DNAH5: variants seen among roughly 807,000 people sequenced by gnomAD.
The protein encoded by DNAH5 is dynein axonemal heavy chain 5.
Under a neutral mutation model 518.2 loss-of-function variants are expected in DNAH5, and 372 were observed. The observed-to-expected ratio is 0.72, with a 90% CI of 0.66 to 0.78. The LOEUF (loss-of-function observed/expected upper bound fraction) is 0.78. DNAH5 is among the 30% of genes least tolerant of loss of function. The pLI is 0.00. For synonymous variants in DNAH5, 2,039 were observed against 2,025.9 expected (o/e 1.01, Z -0.17); for missense variants, 5,523 against 5,687.0 (o/e 0.97, Z 0.93).
At position 13,829,510 on chromosome 5, in the gene DNAH5, C is replaced by A; in HGVS notation, c.6444G>T (p.Gln2148His). 6.2e-7 allele frequency: 1 copy of A among 1,614,084 alleles called. No individual in the cohort carries two copies. Among genetic ancestry groups the A allele is most frequent in the Non-Finnish European group, 8.5e-7 (1 of 1,179,992 alleles). Residue 2148 changes from glutamine (Q) to histidine (H), a missense_variant and splice_region_variant, in exon 38 of 79, where the codon CAG becomes CAT. Physicochemically the swap from Gln to His is conservative, Grantham distance 24. Coordinates refer to ENST00000265104, the MANE Select transcript of DNAH5 (RefSeq NM_001369.3). ...YKLCEEQLSK[Q>H]VHYDFGLRNI... is the part of the protein sequence containing the mutation. ...GCATAAGACCTCCAGGATGACACAC[C>A]TGCTTAGAAAGCTGCTCCTCACACA... is the stretch of plus-strand genomic sequence containing the variant.
chr5:13,917,328 G>C, intron 7 of DNAH5, 72 bp from the exon 8 acceptor site: 3 of 1,115,358 alleles, frequency 2.7e-6, no homozygotes, highest in Non-Finnish European at 4.0e-6. Flanking sequence ...CCACTGCTAA[G>C]AGTCACCACA....
intron 49 of DNAH5, among the ~76,000 whole-genome samples, chr5:13,792,643 G>A (rs1280699121): frequency 1.3e-5 from 2 of 151,402 alleles, no homozygotes; most frequent in Non-Finnish European, 2.9e-5. Flanking sequence ...CAGGCAATAA[G>A]GAATAATTAA....
In DNAH5 at chr5:13,769,034, T is replaced by C. The variant is rs1172460177; in HGVS notation, c.9823A>G (p.Lys3275Glu). 2.5e-6 allele frequency: 4 copies of C among 1,614,144 alleles called. No individual in the cohort carries two copies. In the Admixed American group the frequency reaches 5.0e-5, roughly 20 times the overall value. ...RAQAIVDSIS[K>E]DKAIAEEKLE... ...TTTTCTTCAGCAATGGCTTTGTCTT[T>C]AGAGATGCTGTCCACAATGGCCTGG... The change falls in exon 58 of 79, where the codon AAA becomes GAA. Residue 3275 changes from lysine to glutamate, a missense_variant. Lys to Glu is a moderately conservative substitution (Grantham distance 56). Coordinates refer to ENST00000265104, the MANE Select transcript of DNAH5 (RefSeq NM_001369.3).
intron 1 of DNAH5, among the ~76,000 whole-genome samples, chr5:14,004,551 T>C (rs572135170): frequency 6.6e-5 from 10 of 152,340 alleles, no homozygotes; most frequent in African/African-American, 2.4e-4. Context: ...CACACTGTGG[T>C]GCAAAGATCT....
chr5:13,759,307 C>G (rs1039557128), intron 60 of DNAH5, among the ~76,000 whole-genome samples: 8 of 152,170 alleles, frequency 5.3e-5, no homozygotes, highest in Admixed American at 1.3e-4. Context: ...ACATGTAAAA[C>G]CTACTCTTAT....
rs761281232 is a variant in DNAH5, at chr5:13,807,600, C to G, written c.7878G>C (p.Leu2626=). Residue 2626 remains leucine (L), a synonymous_variant, in exon 47 of 79, where the codon CTG becomes CTC. Coordinates refer to ENST00000265104, the MANE Select transcript of DNAH5 (RefSeq NM_001369.3). ...SLNFSSATTP[L]MFQRTIESYV... is the part of the protein sequence containing the mutation. ...ACCAAAGAGCCAGTACCTGGAACAT[C>G]AGTGGGGTGGTTGCAGAAGAAAAAT... 1.1e-5 allele frequency: 18 copies of G among 1,613,528 alleles called. No homozygotes were observed. The highest frequency in any genetic ancestry group is 1.5e-5 in the Non-Finnish European group (18 of 1,179,766).
chr5:13,759,087 C>T, intron 60 of DNAH5, 104 bp from the exon 61 acceptor site: 1 of 1,480,032 alleles, frequency 6.8e-7, no homozygotes, highest in Non-Finnish European at 9.3e-7. Flanking sequence ...TATACCTTTG[C>T]TTTGTTCCCG....
chr5:13,762,727 G>C lies in DNAH5; in HGVS notation c.10276C>G (p.Leu3426Val), dbSNP rs564215697. 4.3e-6 allele frequency: 7 copies of C among 1,613,928 alleles called. No individual in the cohort carries two copies. In the South Asian group the frequency reaches 7.7e-5, roughly 18 times the overall value. The change falls in exon 60 of 79, where the codon CTG becomes GTG. Residue 3426 changes from leucine (L) to valine (V), a missense_variant. This residue lies in a region of DNAH5 where 5,121 missense variants were observed against 5,223.3 expected (regional missense o/e 0.98). Coordinates refer to ENST00000265104, the MANE Select transcript of DNAH5 (RefSeq NM_001369.3). ...GGTCTGCCTAGCAGGCTTACCTTCA[G>C]AGGCAGTACTTCTTTGTTTATAGAA... ...FFSINKEVLP[L>V]KANLVVQENR... is the part of the protein sequence containing the mutation.
At chr5:13,927,942 C>T (rs1778049131) in intron 3 of DNAH5, 152 bp downstream of exon 3, 2 of 664,732 alleles carry the variant, frequency 3.0e-6, no homozygotes, top group Non-Finnish European at 5.4e-6. Flanking sequence ...ACACCCTACA[C>T]ACTAATGGTT....
Position 13,788,721 on chromosome 5 carries a change from G to C in DNAH5, c.8642C>G (p.Ala2881Gly), listed in dbSNP as rs727502973. Residue 2881 changes from alanine (A) to glycine (G), a missense_variant, in exon 51 of 79, where the codon GCT (alanine) becomes GGT (glycine). Ala to Gly is a moderately conservative substitution (Grantham distance 60, BLOSUM62 0). Coordinates refer to ENST00000265104, the MANE Select transcript of DNAH5 (RefSeq NM_001369.3). ...ATTCCACTTCAATAGTTTACCTGCAGCTTCAGGTGCATCTCTCAAGAAATC... is the reference window on the plus strand; with the variant it reads ...ATTCCACTTCAATAGTTTACCTGCACCTTCAGGTGCATCTCTCAAGAAATC... ...FVDFLRDAPEAAGETSEEADA... is the reference protein window; with the variant it reads ...FVDFLRDAPEGAGETSEEADA... 6.9e-5 allele frequency: 111 copies of C among 1,613,534 alleles called. No individual in the cohort carries two copies. Among genetic ancestry groups the C allele is most frequent in the Non-Finnish European group, 9.2e-5 (108 of 1,179,656 alleles).
intron 69 of DNAH5, among the ~76,000 whole-genome samples, chr5:13,729,118 T>A (rs1019805597): frequency 2.0e-5 from 3 of 152,224 alleles, no homozygotes; most frequent in African/African-American, 7.2e-5. Flanking sequence ...AAAGGCTTTT[T>A]AAGTCTATCT....
At chr5:13,752,857 G>A (rs1442642799) in intron 63 of DNAH5, among the ~76,000 whole-genome samples, 1 of 152,120 alleles carries the variant, frequency 6.6e-6, no homozygotes, top group Non-Finnish European at 1.5e-5. Flanking sequence ...CTCTGTGTGG[G>A]AACAATGTTT....
At position 13,903,220 on chromosome 5, in the gene DNAH5, C is replaced by T. The variant is rs554862988; in HGVS notation, c.1645-1082G>A. 3.2e-4 allele frequency among the ~76,000 whole-genome samples: 48 copies of T among 151,950 alleles called. 3 individuals are homozygous for T. The South Asian group carries it at 1.0e-2, about 32-fold the overall frequency. On this transcript the variant is annotated intron_variant, in intron 12 of 78. Transcript: ENST00000265104. ...ATTACAATTCAAAATACAATAGATG[C>T]AAATTATAAACACCTGAAAAGAAAA...
chr5:13,951,454 G>A (rs977312941), intron 1 of DNAH5, among the ~76,000 whole-genome samples: 6 of 151,600 alleles, frequency 4.0e-5, no homozygotes, highest in East Asian at 3.9e-4. Flanking sequence ...TCCTGGACTC[G>A]AGCAATCCTC....
chr5:13,933,853 C>T (rs546328911), intron 1 of DNAH5, among the ~76,000 whole-genome samples: 13 of 150,482 alleles, frequency 8.6e-5, no homozygotes, highest in East Asian at 7.8e-4. Context: ...ACCAAGAAAC[C>T]GTAGTAGCAA....
chr5:13,861,408 T>A (rs890891798), intron 29 of DNAH5, among the ~76,000 whole-genome samples: 23 of 152,226 alleles, frequency 1.5e-4, no homozygotes, highest in African/African-American at 4.8e-4. Flanking sequence ...ATTTCCAACA[T>A]TAAAAGTATT....
rs778257130 is a variant in DNAH5, at chr5:13,810,192, C to T, written c.7476G>A (p.Ala2492=). Residue 2492 remains alanine, a synonymous_variant, in exon 45 of 79, where the codon GCG becomes GCA. Coordinates refer to ENST00000265104, the MANE Select transcript of DNAH5 (RefSeq NM_001369.3). ...RLFVFALLWS[A]GAALELDGRR... The stretch of plus-strand genomic sequence containing the variant: ...GTCCGTCCAGCTCCAGCGCCGCCCC[C>T]GCGCTCCACAGCAGCGCGAACACGA... 7.7e-6 allele frequency: 12 copies of T among 1,549,532 alleles called. No homozygotes were observed. In the Middle Eastern group the frequency reaches 5.0e-4, roughly 65 times the overall value.
Position 13,870,908 on chromosome 5 carries a change from G to C in DNAH5, c.3693C>G (p.Asn1231Lys). The change falls in exon 24 of 79, where the codon AAC becomes AAG. Residue 1231 changes from asparagine to lysine, a missense_variant. Physicochemically the swap from Asn to Lys is moderately conservative, Grantham distance 94 (BLOSUM62 0). Coordinates refer to ENST00000265104, the MANE Select transcript of DNAH5 (RefSeq NM_001369.3). ...CNKKYRSEME[N>K]IFMLIEEFNK... ...TGAATTCTTCAATAAGCATAAAAAT[G>C]TTTTCCATCTCACTCCGGTATTTTT... The C allele has an allele frequency of 6.2e-7, 1 of 1,613,790 alleles. No homozygotes were observed. Among genetic ancestry groups the C allele is most frequent in the Non-Finnish European group, 8.5e-7 (1 of 1,179,830 alleles).
intron 78 of DNAH5, among the ~76,000 whole-genome samples, chr5:13,698,383 C>T (rs1355640580): frequency 6.6e-6 from 1 of 152,142 alleles, no homozygotes; most frequent in Non-Finnish European, 1.5e-5. Flanking sequence ...CCTATAAAGT[C>T]ACCATGAATA....
Sources: allele counts gnomAD v4.1 joint callset (sites outside exome capture counted in the v4.1 genomes callset), GRCh38; gene constraint gnomAD v4.1.1; regional missense constraint gnomAD v4.1.1; transcripts MANE v1.5; gene names NCBI Gene and HGNC (gene_info 2026-07-23, HGNC 2026-07-21).